P3H2: variants seen among roughly 807,000 people sequenced by gnomAD.
The protein encoded by P3H2 is prolyl 3-hydroxylase 2, also known as leprecan-like 1.
A neutral mutation model predicts 87.0 loss-of-function variants in P3H2; 80 were observed. The ratio of observed to expected loss-of-function variants is 0.92; its 90% confidence interval spans 0.77 to 1.11. P3H2 has a LOEUF of 1.11. Among genes scored for constraint, P3H2 ranks in the 50% least tolerant of loss-of-function variants. P3H2 has a pLI of 0.00. For missense variants in P3H2, 1,001 were observed against 923.9 expected (o/e 1.08, Z -1.08); for synonymous variants, 367 against 359.3 (o/e 1.02, Z -0.24).
At chr3:190,066,178 CATATAT>C (rs1162857748) in intron 1 of P3H2, among the ~76,000 whole-genome samples, 1 of 143,286 alleles carries the variant, frequency 7.0e-6, no homozygotes, top group Non-Finnish European at 1.5e-5. Flanking sequence ...CACACACACA[CATATAT>C]ACACACATAT....
intron 1 of P3H2, among the ~76,000 whole-genome samples, chr3:190,011,845 C>T (rs1724599831): frequency 6.6e-6 from 1 of 152,058 alleles, no homozygotes; most frequent in Non-Finnish European, 1.5e-5. Context: ...GTATGACATT[C>T]TGGATAATAT....
rs35346557 is a variant in P3H2 at position 190,120,229 on chromosome 3, G to T, written c.480+23C>A. 355,055 of 1,603,924 alleles carry T rather than the reference G, an allele frequency of 0.22. 40,395 individuals are homozygous for T. Among genetic ancestry groups the T allele is most frequent in the African/African-American group, 0.27 (20,053 of 74,904 alleles). ...GTGTGAGAGCCGCAGGGGCTTTGCA[G>T]TGGAGGAGCGCTCTGTGGGTACCTT... is the stretch of plus-strand genomic sequence containing the variant. On this transcript the variant is annotated intron_variant, in intron 1 of 14. Coordinates refer to ENST00000319332, the MANE Select transcript of P3H2 (RefSeq NM_018192.4).
intron 1 of P3H2, among the ~76,000 whole-genome samples, chr3:190,043,085 G>A (rs1477916792): frequency 1.3e-5 from 2 of 151,260 alleles, no homozygotes; most frequent in African/African-American, 4.8e-5. Context: ...GTTTGAAAAT[G>A]TAAGAAATGA....
chr3:190,120,461 G>C lies in P3H2; in HGVS notation c.271C>G (p.Arg91Gly). 7.0e-7 allele frequency: 1 copy of C among 1,424,592 alleles called. No homozygotes were observed. Among genetic ancestry groups the C allele is most frequent in the Non-Finnish European group, 9.1e-7 (1 of 1,100,606 alleles). 88.2% of individuals were successfully genotyped at this position (1,424,592 alleles called of 1,614,324 possible). Residue 91 changes from arginine to glycine, a missense_variant, in exon 1 of 15, where the codon CGC becomes GGC. Transcript: ENST00000319332. ...RTRCARHCAA[R>G]HPLPPPPPGE... The stretch of plus-strand genomic sequence containing the variant: ...GGGGGCGGGGGCGGGAGCGGGTGGC[G>C]CGCCGCGCAGTGGCGGGCACAGCGC...
At chr3:190,081,138 T>C (rs960233204) in intron 1 of P3H2, among the ~76,000 whole-genome samples, 5 of 152,192 alleles carry the variant, frequency 3.3e-5, no homozygotes, top group African/African-American at 2.4e-5. Context: ...AATTATCAAA[T>C]AAAATTATGA....
intron 1 of P3H2, among the ~76,000 whole-genome samples, chr3:190,027,885 C>G (rs1390016978): frequency 6.6e-6 from 1 of 151,306 alleles, no homozygotes; most frequent in Non-Finnish European, 1.5e-5. Context: ...ATTTTAAGAC[C>G]AGGCACTTGA....
At chr3:190,069,437 T>C (rs955651529) in intron 1 of P3H2, among the ~76,000 whole-genome samples, 3 of 152,176 alleles carry the variant, frequency 2.0e-5, no homozygotes, top group African/African-American at 7.2e-5. Context: ...TCTTATATAT[T>C]TGATGGGATG....
At chr3:189,968,291 G>A (rs577913650) in intron 13 of P3H2, among the ~76,000 whole-genome samples, 14 of 152,102 alleles carry the variant, frequency 9.2e-5, no homozygotes, top group East Asian at 5.8e-4. Flanking sequence ...GTTACCCTCC[G>A]TGTCCATGTG....
At chr3:189,981,772 T>C (rs1236540076) in intron 8 of P3H2, among the ~76,000 whole-genome samples, 2 of 152,224 alleles carry the variant, frequency 1.3e-5, no homozygotes, top group African/African-American at 2.4e-5. Flanking sequence ...TGTTGGCTTA[T>C]TGGCATGAAC....
chr3:189,959,689 C>T (rs1281137937), intron 14 of P3H2, among the ~76,000 whole-genome samples: 1 of 152,088 alleles, frequency 6.6e-6, no homozygotes, highest in African/African-American at 2.4e-5. Flanking sequence ...ATATTCTACG[C>T]TTTCTTTTAT....
Position 189,988,910 on chromosome 3 carries a change from G to A in P3H2, c.952C>T (p.Arg318Ter), listed in dbSNP as rs200083855. 258 of 1,613,850 alleles carry A rather than the reference G, an allele frequency of 1.6e-4. No individual in the cohort carries two copies. Among genetic ancestry groups the A allele is most frequent in the Non-Finnish European group, 2.0e-4 (234 of 1,179,992 alleles). ...TCACGGATGATCCACGCTTTACCTC[G>A]ATAGTAGGCAAACTGTAGGTAATCA... ...HYDYLQFAYY[R>*]VGEYVKALEC... Residue 318 changes from arginine to a stop codon, truncating the protein, a stop_gained, in exon 4 of 15, where the codon CGA (arginine) becomes TGA (stop). Transcript: ENST00000319332. LOFTEE classifies it high-confidence loss of function.
At chr3:190,097,895 A>G (rs1727637032) in intron 1 of P3H2, among the ~76,000 whole-genome samples, 1 of 152,144 alleles carries the variant, frequency 6.6e-6, no homozygotes, top group Non-Finnish European at 1.5e-5. Context: ...AACCCTACAT[A>G]TGCTCTCTGT....
At chr3:190,070,199 TTACA>T (rs1726652303) in intron 1 of P3H2, among the ~76,000 whole-genome samples, 1 of 152,158 alleles carries the variant, frequency 6.6e-6, no homozygotes, top group South Asian at 2.1e-4. Flanking sequence ...TGCATTGTTC[TTACA>T]TAGAGATTTA....
intron 13 of P3H2, chr3:189,969,648 C>A: frequency 8.3e-7 from 1 of 1,201,036 alleles, no homozygotes; most frequent in Non-Finnish European, 1.2e-6. Flanking sequence ...TGGTAGTTGA[C>A]CTTGGAAGCC....
intron 3 of P3H2, 89 bp from the exon 4 acceptor site, chr3:189,989,127 T>C (rs1723799380): frequency 1.3e-6 from 2 of 1,493,360 alleles, no homozygotes; most frequent in African/African-American, 2.8e-5. Flanking sequence ...AGGTCATTCC[T>C]CACCTCACCA....
intron 3 of P3H2, among the ~76,000 whole-genome samples, chr3:189,990,709 A>G (rs1349499112): frequency 6.6e-6 from 1 of 152,218 alleles, no homozygotes; most frequent in Non-Finnish European, 1.5e-5. Flanking sequence ...CTAATTTAGG[A>G]CAATTTTGAA....
chr3:189,966,058 AAGAAAG>A (rs61488993), intron 13 of P3H2, among the ~76,000 whole-genome samples: 9,945 of 147,586 alleles, frequency 0.067, 938 homozygotes, highest in African/African-American at 0.19. Flanking sequence ...GAAAGAAAGA[AAGAAAG>A]AGAAAGAAGG....
rs143701386 is a variant in P3H2, at chr3:190,023,592, A to G, written c.481-28150T>C. ...TGGGGAAAACTGCCCCCATGACTCA[A>G]TTACCTCCACCTGGTCTCTCCCTTG... On this transcript the variant is annotated intron_variant, in intron 1 of 14. Coordinates refer to ENST00000319332, the MANE Select transcript of P3H2 (RefSeq NM_018192.4). Among the ~76,000 whole-genome samples, 708 of 152,294 alleles carry G rather than the reference A, an allele frequency of 4.6e-3. 8 individuals are homozygous for G. Among genetic ancestry groups the G allele is most frequent in the African/African-American group, 0.016 (660 of 41,580 alleles).
chr3:190,099,816 C>T (rs930481681), intron 1 of P3H2, among the ~76,000 whole-genome samples: 12 of 152,244 alleles, frequency 7.9e-5, no homozygotes, highest in African/African-American at 2.2e-4. Flanking sequence ...CATTTCAGAG[C>T]GGAGTCTGCA....
Sources: gnomAD v4.1 joint callset for allele counts (sites outside exome capture counted in the v4.1 genomes callset) on GRCh38, gnomAD v4.1.1 for gene constraint, MANE v1.5 for transcripts, NCBI Gene and HGNC (gene_info 2026-07-23, HGNC 2026-07-21) for gene names.